The following STOML3 variants were observed in gnomAD, a reference collection of about 807,000 sequenced individuals.
STOML3 encodes stomatin like 3.
STOML3 carries 31 observed loss-of-function variants against 29.5 expected under a neutral mutation model. The observed-to-expected ratio is 1.05, with a 90% CI of 0.79 to 1.42. The LOEUF (loss-of-function observed/expected upper bound fraction) is 1.42. STOML3 is among the 40% of genes most tolerant of loss of function. The probability of loss-of-function intolerance (pLI) is 0.00; values close to 1 mark genes in which losing one functional copy is unlikely to be tolerated. For missense variants in STOML3, 380 were observed against 363.0 expected, an observed-to-expected ratio of 1.05 and a Z score of -0.38; for synonymous variants, 122 against 139.8, an observed-to-expected ratio of 0.87 and a Z score of 0.90.
chr13:38,984,734 A>G (rs920731311), intron 1 of STOML3, among the ~76,000 whole-genome samples: 2 of 152,182 alleles, frequency 1.3e-5, no homozygotes, highest in African/African-American at 2.4e-5. Context: ...ATTTCTCAGA[A>G]TGTATCCTCA....
At chr13:38,985,823 A>T (rs1868489914) in intron 1 of STOML3, among the ~76,000 whole-genome samples, 1 of 151,320 alleles carries the variant, frequency 6.6e-6, no homozygotes, top group South Asian at 2.1e-4. Flanking sequence ...AAGTATATAG[A>T]AGTATATATA....
chr13:38,966,714 G>T lies in STOML3; in HGVS notation c.*111C>A. On this transcript the variant is annotated 3_prime_UTR_variant, in exon 7 of 7. Transcript: ENST00000379631. ...TTCCTGCCAATGCTCTTCCATCTAT[G>T]GAGTTACTGTTACATGAACAGTGTT... The T allele has an allele frequency of 1.1e-6, 1 of 907,836 alleles. No individual in the cohort carries two copies. 56.2% of individuals were successfully genotyped at this position (907,836 alleles called of 1,614,324 possible).
intron 3 of STOML3, among the ~76,000 whole-genome samples, chr13:38,974,604 G>A (rs999880486): frequency 6.6e-6 from 1 of 152,188 alleles, no homozygotes. Context: ...AAATGCTCAT[G>A]AAGTGTCAGT....
rs397851686 is a variant in STOML3, at chr13:38,977,750, A to ATTTTTTT, written c.53-960_53-954dup. On this transcript the variant is annotated intron_variant, in intron 1 of 6. Transcript: ENST00000379631. Reference sequence around the variant, plus strand: ...ATTATATAATTTCTGAAGTCTCCGGATTTTTTTTTTTTTTTTTTTTTTTTT... The same window carrying ATTTTTTT: ...ATTATATAATTTCTGAAGTCTCCGGATTTTTTTTTTTTTTTTTTTTTTTTTTTTTTTT... Among the ~76,000 whole-genome samples, 24 of 84,230 alleles carry ATTTTTTT rather than the reference A, an allele frequency of 2.8e-4. 1 individual carries two copies. In the South Asian group the frequency reaches 4.8e-3, roughly 17 times the overall value. 55.3% of individuals were successfully genotyped at this position (84,230 alleles called of 152,430 possible).
At chr13:38,971,934 AAAAC>A (rs1269621922) in intron 4 of STOML3, among the ~76,000 whole-genome samples, 2 of 152,214 alleles carry the variant, frequency 1.3e-5, no homozygotes, top group Non-Finnish European at 2.9e-5. Flanking sequence ...TCAAAAGAAA[AAAAC>A]AAACAAACAA....
rs1285699488 is a variant in STOML3, at chr13:38,970,405, GGGCAAAATCAC to G, written c.313-28_313-18del. ...GGTGAGGATCTGTGGAGTAAGAACA[GGGCAAAATCAC>G]TTATTTATGACTTTCACCACTACTG... On this transcript the variant is annotated intron_variant, in intron 4 of 6. Coordinates refer to ENST00000379631, the MANE Select transcript of STOML3 (RefSeq NM_145286.3). The G allele has an allele frequency of 6.2e-6, 10 of 1,605,728 alleles. No individual in the cohort carries two copies. The highest frequency in any genetic ancestry group is 7.7e-6 in the Non-Finnish European group (9 of 1,173,140).
intron 1 of STOML3, 110 bp downstream of exon 1, chr13:38,990,560 C>G: frequency 9.5e-7 from 1 of 1,052,308 alleles, no homozygotes; most frequent in Non-Finnish European, 1.3e-6. Context: ...AAATTGAGGC[C>G]GATTTCTGCA....
intron 1 of STOML3, among the ~76,000 whole-genome samples, chr13:38,988,940 T>C (rs920153326): frequency 1.4e-5 from 2 of 144,758 alleles, no homozygotes; most frequent in African/African-American, 5.1e-5. Context: ...TTATACAATA[T>C]ATTATATATA....
In STOML3 at chr13:38,966,926, C is replaced by T. The variant is rs374030322; in HGVS notation, c.775G>A (p.Glu259Lys). Reference protein sequence around the residue: ...YLQTLSTVATEKNSTIVFPLP... With the variant: ...YLQTLSTVATKKNSTIVFPLP... ...GGAAACACAATCGTAGAATTCTTCT[C>T]GGTGGCTACCGTGCTCAAGGTCTGC... The change falls in exon 7 of 7, where the codon GAG becomes AAG. Residue 259 changes from glutamate to lysine, a missense_variant. Physicochemically the swap from Glu to Lys is moderately conservative, Grantham distance 56. Transcript: ENST00000379631. 103 of 1,613,890 alleles carry T rather than the reference C, an allele frequency of 6.4e-5. No homozygotes were observed. The highest frequency in any genetic ancestry group is 1.5e-4 in the Admixed American group (9 of 59,992).
chr13:38,976,885 G>A (rs994693468), intron 1 of STOML3, 88 bp from the exon 2 acceptor site: 1 of 1,129,568 alleles, frequency 8.9e-7, no homozygotes, highest in Non-Finnish European at 1.3e-6. Context: ...TATCCAGACA[G>A]CTGGCCAAGC....
intron 1 of STOML3, among the ~76,000 whole-genome samples, chr13:38,978,069 T>C (rs906599772): frequency 1.1e-4 from 17 of 152,172 alleles, no homozygotes; most frequent in African/African-American, 3.9e-4. Flanking sequence ...CAGGGATCCT[T>C]GTTTGTAAAA....
intron 3 of STOML3, among the ~76,000 whole-genome samples, chr13:38,975,322 GA>G (rs5802966): frequency 3.5e-5 from 5 of 144,872 alleles, no homozygotes; most frequent in African/African-American, 5.1e-5. Flanking sequence ...CTCTGTCTCA[GA>G]AAAAAAAAAA....
chr13:38,976,932 A>T, intron 1 of STOML3, 135 bp from the exon 2 acceptor site: 1 of 685,570 alleles, frequency 1.5e-6, no homozygotes. Flanking sequence ...ATCCATTTAC[A>T]CCATGGATGT....
At chr13:38,968,621 T>C (rs1257994090) in intron 5 of STOML3, 87 bp from the exon 6 acceptor site, 1 of 1,453,088 alleles carries the variant, frequency 6.9e-7, no homozygotes, top group Admixed American at 2.2e-5. Context: ...TCAAGATACA[T>C]TTTTCTTTTT....
At chr13:38,982,931 T>C (rs922501859) in intron 1 of STOML3, among the ~76,000 whole-genome samples, 3 of 152,108 alleles carry the variant, frequency 2.0e-5, no homozygotes, top group East Asian at 1.9e-4. Flanking sequence ...TCACCTTATA[T>C]AAAATGCAGA....
Position 38,970,235 on chromosome 13 carries a change from T to G in STOML3, c.466A>C (p.Thr156Pro). ...TTLRNVLGTQ[T>P]LSQILAGREE... ...CGTCCAGCTAAGATCTGGGACAAGG[T>G]CTGTGTCCCTAAGACATTTCTCAGA... The change falls in exon 5 of 7, where the codon ACC becomes CCC. Residue 156 changes from threonine (T) to proline (P), a missense_variant. By Grantham distance (38) the Thr-to-Pro change is conservative. Coordinates refer to ENST00000379631, the MANE Select transcript of STOML3 (RefSeq NM_145286.3). 1 of 1,614,066 alleles carries G rather than the reference T, an allele frequency of 6.2e-7. No homozygotes were observed. The highest frequency in any genetic ancestry group is 8.5e-7 in the Non-Finnish European group (1 of 1,179,980).
chr13:38,966,238 C>G lies in STOML3; in HGVS notation c.*587G>C, dbSNP rs1880638031. Reference sequence around the variant, plus strand: ...TGGCCACTCCCTGCAGGACACACAGCAAGAGACCTGGACTGTGAGCTCATC... The same window carrying G: ...TGGCCACTCCCTGCAGGACACACAGGAAGAGACCTGGACTGTGAGCTCATC... On this transcript the variant is annotated 3_prime_UTR_variant, in exon 7 of 7. Coordinates refer to ENST00000379631, the MANE Select transcript of STOML3 (RefSeq NM_145286.3). 6.6e-6 allele frequency: 1 copy of G among 152,316 alleles called. No individual in the cohort carries two copies. The highest frequency in any genetic ancestry group is 2.1e-4 in the South Asian group (1 of 4,830). 9.4% of individuals were successfully genotyped at this position (152,316 alleles called of 1,614,324 possible).
At chr13:38,982,873 A>T (rs1227853052) in intron 1 of STOML3, among the ~76,000 whole-genome samples, 1 of 152,038 alleles carries the variant, frequency 6.6e-6, no homozygotes, top group Admixed American at 6.6e-5. Context: ...CCCTCTGTCC[A>T]CCTGGCACAA....
rs1279312107 is a variant in STOML3, at chr13:38,976,546, C to T, written c.223G>A (p.Gly75Arg). The T allele has an allele frequency of 3.7e-6, 6 of 1,614,166 alleles. No homozygotes were observed. The highest frequency in any genetic ancestry group is 3.4e-6 in the Non-Finnish European group (4 of 1,180,034). Reference sequence around the variant, plus strand: ...GCCACCGCGTCATTCATACCTGGCCCCTTGGCTTTGTCAGCTTGGATGCGT... The same window carrying T: ...GCCACCGCGTCATTCATACCTGGCCTCTTGGCTTTGTCAGCTTGGATGCGT... The part of the protein sequence containing the change: ...LGRIQADKAK[G>R]PGLILVLPCI... The change falls in exon 3 of 7, where the codon GGG becomes AGG. Residue 75 changes from glycine (G) to arginine (R), a missense_variant. Transcript: ENST00000379631.
Sources: gnomAD v4.1 joint callset for allele counts (sites outside exome capture counted in the v4.1 genomes callset) on GRCh38, gnomAD v4.1.1 for gene constraint, MANE v1.5 for transcripts, NCBI Gene and HGNC (gene_info 2026-07-23, HGNC 2026-07-21) for gene names.